Variants in NCAM2 observed in about 807,000 individuals in gnomAD.
NCAM2 encodes the protein N-CAM-2.
A neutral mutation model predicts 98.1 loss-of-function variants in NCAM2; 30 were observed. That is an observed-to-expected ratio of 0.31 (90% CI 0.23 to 0.41). The LOEUF is 0.41. NCAM2 is among the 10% of genes least tolerant of loss of function. The pLI is 1.00. For missense variants in NCAM2, 867 were observed against 1,005.8 expected, an observed-to-expected ratio of 0.86 and a Z score of 1.87; for synonymous variants, 368 against 342.4, an observed-to-expected ratio of 1.07 and a Z score of -0.83.
intron 8 of NCAM2, among the ~76,000 whole-genome samples, chr21:21,362,489 G>A (rs552989724): frequency 4.5e-4 from 68 of 151,770 alleles, no homozygotes; most frequent in Middle Eastern, 6.8e-3. Context: ...GAACTCCTGG[G>A]TCAACCAATC....
intron 1 of NCAM2, among the ~76,000 whole-genome samples, chr21:21,183,710 T>G (rs994880956): frequency 1.3e-5 from 2 of 152,178 alleles, no homozygotes; most frequent in African/African-American, 4.8e-5. Context: ...TTCGTATGAT[T>G]ATAATGTAGA....
At chr21:21,491,909 A>G (rs1986877909) in intron 15 of NCAM2, among the ~76,000 whole-genome samples, 1 of 151,632 alleles carries the variant, frequency 6.6e-6, no homozygotes, top group African/African-American at 2.4e-5. Context: ...ATACACCAGA[A>G]CAGTTATTTC....
At chr21:21,298,473 A>T (rs1318621411) in intron 5 of NCAM2, among the ~76,000 whole-genome samples, 1 of 151,720 alleles carries the variant, frequency 6.6e-6, no homozygotes, top group Non-Finnish European at 1.5e-5. Context: ...TTAAATTTCA[A>T]GAATAGGCAA....
At chr21:21,043,411 G>A (rs764414491) in intron 1 of NCAM2, among the ~76,000 whole-genome samples, 5 of 152,046 alleles carry the variant, frequency 3.3e-5, no homozygotes, top group Non-Finnish European at 5.9e-5. Context: ...ATATAAATTG[G>A]ATAGCCGCAC....
At chr21:21,176,130 A>G (rs2068281983) in intron 1 of NCAM2, among the ~76,000 whole-genome samples, 1 of 152,206 alleles carries the variant, frequency 6.6e-6, no homozygotes, top group South Asian at 2.1e-4. Flanking sequence ...CCACTGTGAC[A>G]AACTGGGCTC....
chr21:21,084,385 A>C (rs920153349), intron 1 of NCAM2, among the ~76,000 whole-genome samples: 9 of 152,172 alleles, frequency 5.9e-5, no homozygotes, highest in African/African-American at 1.9e-4. Context: ...CAAGATACTG[A>C]ATAGTTACAA....
chr21:21,094,619 A>T (rs2066080354), intron 1 of NCAM2, among the ~76,000 whole-genome samples: 1 of 151,764 alleles, frequency 6.6e-6, no homozygotes, highest in African/African-American at 2.4e-5. Context: ...TGATTTTATG[A>T]ATTTCAGTTA....
At chr21:21,530,815 T>C (rs987958296) in intron 16 of NCAM2, among the ~76,000 whole-genome samples, 1 of 152,010 alleles carries the variant, frequency 6.6e-6, no homozygotes, top group Non-Finnish European at 1.5e-5. Flanking sequence ...TCCATATATA[T>C]AAATTTTGTA....
chr21:21,068,709 C>T (rs1601266317), intron 1 of NCAM2, among the ~76,000 whole-genome samples: 1 of 152,110 alleles, frequency 6.6e-6, no homozygotes, highest in African/African-American at 2.4e-5. Flanking sequence ...CTGCCCACCT[C>T]GGTCTCCCAA....
chr21:21,051,136 G>T lies in NCAM2; in HGVS notation c.55+52518G>T, dbSNP rs140069527. Among the ~76,000 whole-genome samples, 298 of 152,284 alleles carry T rather than the reference G, an allele frequency of 2.0e-3. 4 individuals are homozygous for T. Among genetic ancestry groups the T allele is most frequent in the African/African-American group, 6.9e-3 (285 of 41,564 alleles). ...CTCTTCAAGAATTGCTTTAGCTCTAGATGGTCCCATGTCCGAGGTAATATC... is the reference window on the plus strand; with the variant it reads ...CTCTTCAAGAATTGCTTTAGCTCTATATGGTCCCATGTCCGAGGTAATATC... On this transcript the variant is annotated intron_variant, in intron 1 of 17. Coordinates refer to ENST00000400546, the MANE Select transcript of NCAM2 (RefSeq NM_004540.5).
Position 21,504,069 on chromosome 21 carries a change from T to C in NCAM2, c.2078-4782T>C, listed in dbSNP as rs920800231. On this transcript the variant is annotated intron_variant, in intron 15 of 17. Coordinates refer to ENST00000400546, the MANE Select transcript of NCAM2 (RefSeq NM_004540.5). Reference sequence around the variant, plus strand: ...TATTGACATTTTTCTATAAGAATAATACATATTTTAATGTATTTGCTGTAT... The same window carrying C: ...TATTGACATTTTTCTATAAGAATAACACATATTTTAATGTATTTGCTGTAT... 4.6e-5 allele frequency among the ~76,000 whole-genome samples: 7 copies of C among 152,058 alleles called. 1 individual carries two copies. The highest frequency in any genetic ancestry group is 3.9e-4 in the Admixed American group (6 of 15,254).
chr21:21,396,564 G>T (rs569326349), intron 9 of NCAM2, among the ~76,000 whole-genome samples: 3 of 152,214 alleles, frequency 2.0e-5, no homozygotes, highest in South Asian at 4.1e-4. Context: ...TCCCATACCC[G>T]CCAAGGGTGA....
At chr21:21,213,479 T>C (rs1470693326) in intron 1 of NCAM2, among the ~76,000 whole-genome samples, 1 of 152,178 alleles carries the variant, frequency 6.6e-6, no homozygotes, top group African/African-American at 2.4e-5. Flanking sequence ...GGAAACTACA[T>C]TGCCCAAATT....
chr21:21,032,236 C>A (rs2146226003), intron 1 of NCAM2, among the ~76,000 whole-genome samples: 1 of 152,088 alleles, frequency 6.6e-6, no homozygotes, highest in Middle Eastern at 3.4e-3. Context: ...ATGCAATAAC[C>A]AGTGATTATG....
chr21:21,321,099 G>A (rs907102013), intron 5 of NCAM2, among the ~76,000 whole-genome samples: 4 of 152,140 alleles, frequency 2.6e-5, no homozygotes, highest in African/African-American at 9.7e-5. Flanking sequence ...CAGGAACCAA[G>A]ATCACTTCTG....
chr21:21,069,944 T>A (rs2065524261), intron 1 of NCAM2, among the ~76,000 whole-genome samples: 1 of 152,172 alleles, frequency 6.6e-6, no homozygotes, highest in Non-Finnish European at 1.5e-5. Flanking sequence ...ATTGTTGCTT[T>A]TAAAACATAT....
chr21:21,348,518 A>G (rs749661748), intron 8 of NCAM2, among the ~76,000 whole-genome samples: 6 of 152,124 alleles, frequency 3.9e-5, no homozygotes, highest in African/African-American at 1.4e-4. Flanking sequence ...AAATGTCCAT[A>G]TTACCCAAAG....
At chr21:21,359,208 G>A (rs899558466) in intron 8 of NCAM2, among the ~76,000 whole-genome samples, 1 of 151,694 alleles carries the variant, frequency 6.6e-6, no homozygotes, top group African/African-American at 2.4e-5. Context: ...TTTCATACTA[G>A]TGCCCCAAGA....
At position 21,031,817 on chromosome 21, in the gene NCAM2, C is replaced by T. The variant is rs2064689986; in HGVS notation, c.55+33199C>T. Among the ~76,000 whole-genome samples the T allele has an allele frequency of 4.6e-5, 7 of 152,200 alleles. No individual in the cohort carries two copies. In the South Asian group the frequency reaches 1.5e-3, roughly 32 times the overall value. Reference sequence around the variant, plus strand: ...TCTCACTCACACTCTTATACACACACACACACACACACTCACACACACGTG... The same window carrying T: ...TCTCACTCACACTCTTATACACACATACACACACACACTCACACACACGTG... On this transcript the variant is annotated intron_variant, in intron 1 of 17. Transcript: ENST00000400546.
Sources: gnomAD v4.1 joint callset for allele counts (sites outside exome capture counted in the v4.1 genomes callset) on GRCh38, gnomAD v4.1.1 for gene constraint, MANE v1.5 for transcripts, NCBI Gene and HGNC (gene_info 2026-07-23, HGNC 2026-07-21) for gene names.